The following CAMKMT variants were observed in gnomAD, a reference collection of about 807,000 sequenced individuals.
The protein encoded by CAMKMT is calmodulin-lysine N-methyltransferase, also known as CaM KMT.
A neutral mutation model predicts 48.0 loss-of-function variants in CAMKMT; 53 were observed. The observed-to-expected ratio is 1.10, with a 90% CI of 0.89 to 1.39. CAMKMT has a LOEUF of 1.39. CAMKMT is among the 40% of genes most tolerant of loss of function. The probability of loss-of-function intolerance (pLI) is 0.00; values close to 1 mark genes in which losing one functional copy is unlikely to be tolerated. For missense variants in CAMKMT, 428 were observed against 402.7 expected (o/e 1.06, Z -0.54); for synonymous variants, 165 against 152.3 (o/e 1.08, Z -0.61).
chr2:44,439,079 A>C (rs1384641620), intron 3 of CAMKMT, among the ~76,000 whole-genome samples: 1 of 152,120 alleles, frequency 6.6e-6, no homozygotes, highest in African/African-American at 2.4e-5. Flanking sequence ...CAGAAGAAAC[A>C]GCTATAGTGA....
Position 44,431,018 on chromosome 2 carries a change from CAATT to C in CAMKMT, c.376+40714_376+40717del, listed in dbSNP as rs575885561. On this transcript the variant is annotated intron_variant, in intron 3 of 10. Transcript: ENST00000378494. The stretch of plus-strand genomic sequence containing the variant: ...TTTAAAATTTCAGTTATGAAATACT[CAATT>C]TATTTTGTAATCATACATAATTCTC... 2.5e-3 allele frequency among the ~76,000 whole-genome samples: 374 copies of C among 152,280 alleles called. 2 individuals are homozygous for C. The highest frequency in any genetic ancestry group is 3.4e-3 in the Middle Eastern group (1 of 294).
At chr2:44,747,863 T>C (rs1353291120) in intron 8 of CAMKMT, among the ~76,000 whole-genome samples, 1 of 152,180 alleles carries the variant, frequency 6.6e-6, no homozygotes, top group Non-Finnish European at 1.5e-5. Context: ...GTGAATTATA[T>C]AGAGGTCTGT....
At chr2:44,603,955 A>AT (rs1671143343) in intron 3 of CAMKMT, among the ~76,000 whole-genome samples, 1 of 152,232 alleles carries the variant, frequency 6.6e-6, no homozygotes, top group African/African-American at 2.4e-5. Flanking sequence ...TAAGATGGTC[A>AT]AACTGAATTA....
intron 7 of CAMKMT, among the ~76,000 whole-genome samples, chr2:44,740,199 G>A (rs1316985046): frequency 6.6e-6 from 1 of 150,438 alleles, no homozygotes; most frequent in African/African-American, 2.5e-5. Flanking sequence ...CTAGATCATG[G>A]CTCACTGCAG....
intron 9 of CAMKMT, among the ~76,000 whole-genome samples, chr2:44,761,525 T>G (rs1441213313): frequency 6.6e-6 from 1 of 152,234 alleles, no homozygotes; most frequent in Non-Finnish European, 1.5e-5. Context: ...ATAAAAATGA[T>G]GCAGCTTTAG....
rs1680719469 is a variant in CAMKMT, at chr2:44,385,659, T to C, written c.312-4582T>C. Among the ~76,000 whole-genome samples the C allele has an allele frequency of 2.0e-5, 3 of 152,110 alleles. No individual in the cohort carries two copies. The South Asian group carries it at 6.2e-4, about 32-fold the overall frequency. On this transcript the variant is annotated intron_variant, in intron 2 of 10. Transcript: ENST00000378494. Reference sequence around the variant, plus strand: ...TTAAGGAATGTCCCTTGTATGCCAGTTTTGCTGAGAGTTTTAATCATAAAG... The same window carrying C: ...TTAAGGAATGTCCCTTGTATGCCAGCTTTGCTGAGAGTTTTAATCATAAAG...
At chr2:44,723,755 G>T (rs1678622540) in intron 7 of CAMKMT, 1 of 152,080 alleles carries the variant, frequency 6.6e-6, no homozygotes, top group Non-Finnish European at 1.5e-5. Flanking sequence ...AGAAAGGAAA[G>T]GACCTGACTT....
At position 44,766,489 on chromosome 2, in the gene CAMKMT, A is replaced by G; in HGVS notation, c.822A>G (p.Leu274=). 4 of 1,614,174 alleles carry G rather than the reference A, an allele frequency of 2.5e-6. No homozygotes were observed. Among genetic ancestry groups the G allele is most frequent in the Non-Finnish European group, 3.4e-6 (4 of 1,180,008 alleles). The change falls in exon 10 of 11, where the codon CTA becomes CTG. Residue 274 remains leucine, a synonymous_variant. Transcript: ENST00000378494. ...ATACTTTAAACCAGTTTTGCAATCT[A>G]GCTGAAAAAGCTGGTTTCTGTATCC... ...RGNTLNQFCN[L]AEKAGFCIQR...
At chr2:44,675,500 C>T (rs141222233) in intron 3 of CAMKMT, among the ~76,000 whole-genome samples, 1 of 151,918 alleles carries the variant, frequency 6.6e-6, no homozygotes, top group Admixed American at 6.6e-5. Context: ...TTCCTTCTTC[C>T]TTTCTGGTAA....
chr2:44,420,829 T>TC (rs1228939849), intron 3 of CAMKMT, among the ~76,000 whole-genome samples: 5 of 151,936 alleles, frequency 3.3e-5, no homozygotes, highest in South Asian at 2.1e-4. Context: ...AAGCTTACTT[T>TC]TTTTTTTTCC....
chr2:44,722,954 G>A (rs1198111638), intron 7 of CAMKMT, among the ~76,000 whole-genome samples: 1 of 152,198 alleles, frequency 6.6e-6, no homozygotes, highest in Non-Finnish European at 1.5e-5. Context: ...AGGGGGGTCT[G>A]AATGTTAGGA....
At chr2:44,483,602 T>A (rs1441013716) in intron 3 of CAMKMT, among the ~76,000 whole-genome samples, 1 of 152,136 alleles carries the variant, frequency 6.6e-6, no homozygotes, top group Non-Finnish European at 1.5e-5. Context: ...ATTTGAGTAT[T>A]AAGAAATTAA....
intron 3 of CAMKMT, among the ~76,000 whole-genome samples, chr2:44,422,077 G>A (rs1000166027): frequency 6.6e-6 from 1 of 152,114 alleles, no homozygotes; most frequent in Non-Finnish European, 1.5e-5. Flanking sequence ...CCCCAGTGTT[G>A]GAGGTGGGGC....
At chr2:44,730,929 T>A (rs1343949048) in intron 7 of CAMKMT, among the ~76,000 whole-genome samples, 1 of 152,240 alleles carries the variant, frequency 6.6e-6, no homozygotes, top group Non-Finnish European at 1.5e-5. Context: ...CCTTCCCTAC[T>A]GCTGGTAAGA....
chr2:44,599,612 A>G (rs1336849829), intron 3 of CAMKMT, among the ~76,000 whole-genome samples: 1 of 152,096 alleles, frequency 6.6e-6, no homozygotes, highest in African/African-American at 2.4e-5. Context: ...AATTTTTCTT[A>G]AATAAAAGAA....
At chr2:44,755,158 G>T (rs1380826002) in intron 9 of CAMKMT, among the ~76,000 whole-genome samples, 1 of 152,034 alleles carries the variant, frequency 6.6e-6, no homozygotes, top group African/African-American at 2.4e-5. Flanking sequence ...TCTCTATGTA[G>T]CTCAGAAACT....
intron 3 of CAMKMT, among the ~76,000 whole-genome samples, chr2:44,582,630 AT>A (rs1355021406): frequency 6.6e-6 from 1 of 152,042 alleles, no homozygotes; most frequent in Non-Finnish European, 1.5e-5. Context: ...TTGGGCAATG[AT>A]TTTTTTTCCT....
intron 3 of CAMKMT, among the ~76,000 whole-genome samples, chr2:44,703,512 G>A (rs1677366197): frequency 6.6e-6 from 1 of 152,138 alleles, no homozygotes; most frequent in African/African-American, 2.4e-5. Context: ...AGGCACAGTA[G>A]CTCACACTTG....
intron 3 of CAMKMT, among the ~76,000 whole-genome samples, chr2:44,658,641 C>T (rs1054515570): frequency 6.6e-6 from 1 of 152,070 alleles, no homozygotes; most frequent in Non-Finnish European, 1.5e-5. Context: ...ACCCTCTGGC[C>T]GACTCCATTT....
Sources: gnomAD v4.1 joint callset for allele counts (sites outside exome capture counted in the v4.1 genomes callset) on GRCh38, gnomAD v4.1.1 for gene constraint, MANE v1.5 for transcripts, NCBI Gene and HGNC (gene_info 2026-07-23, HGNC 2026-07-21) for gene names.